TAF3: variants seen among roughly 807,000 people sequenced by gnomAD.
The protein encoded by TAF3 is TATA-box binding protein associated factor 3.
Under a neutral mutation model 80.6 loss-of-function variants are expected in TAF3, and 7 were observed. The ratio of observed to expected loss-of-function variants is 0.09; its 90% CI spans 0.05 to 0.16. The LOEUF (loss-of-function observed/expected upper bound fraction) is 0.16. Among genes scored for constraint, TAF3 ranks in the 10% least tolerant of loss-of-function variants. The pLI, the probability that TAF3 is intolerant of heterozygous loss-of-function variation, is 1.00. For missense variants in TAF3, 921 were observed against 1,140.2 expected (o/e 0.81, Z 2.77); for synonymous variants, 444 against 446.1 (o/e 1.00, Z 0.06).
intron 2 of TAF3, among the ~76,000 whole-genome samples, chr10:7,936,913 A>G (rs559611559): frequency 1.3e-5 from 2 of 152,030 alleles, no homozygotes; most frequent in South Asian, 4.2e-4. Flanking sequence ...TACCTTTCCC[A>G]GAATGCCATA....
intron 2 of TAF3, among the ~76,000 whole-genome samples, chr10:7,892,371 G>A (rs1380609794): frequency 6.6e-6 from 1 of 152,154 alleles, no homozygotes; most frequent in Non-Finnish European, 1.5e-5. Context: ...CTTTCTTCAA[G>A]TACAGATTTC....
intron 1 of TAF3, among the ~76,000 whole-genome samples, chr10:7,821,138 C>G (rs1396231414): frequency 6.6e-6 from 1 of 152,154 alleles, no homozygotes; most frequent in Non-Finnish European, 1.5e-5. Context: ...AACCTTGTTC[C>G]TAATTACCAA....
intron 4 of TAF3, among the ~76,000 whole-genome samples, chr10:8,007,160 A>G (rs963244243): frequency 6.6e-6 from 1 of 152,202 alleles, no homozygotes; most frequent in African/African-American, 2.4e-5. Flanking sequence ...AGGATGATGG[A>G]CAAAAACCTT....
intron 2 of TAF3, among the ~76,000 whole-genome samples, chr10:7,883,807 G>A (rs1379594985): frequency 6.6e-6 from 1 of 152,126 alleles, no homozygotes; most frequent in Non-Finnish European, 1.5e-5. Context: ...TAGAATACCT[G>A]GGTAATTTAT....
At chr10:7,942,803 T>A (rs542149002) in intron 2 of TAF3, among the ~76,000 whole-genome samples, 57 of 152,130 alleles carry the variant, frequency 3.7e-4, no homozygotes, top group South Asian at 3.5e-3. Flanking sequence ...GTTAAAAAAA[T>A]TTTTTTTTGT....
rs1416890544 is a variant in TAF3, at chr10:8,009,983, C to T, written c.2568+653C>T. Among the ~76,000 whole-genome samples the T allele has an allele frequency of 6.6e-6, 1 of 151,866 alleles. No homozygotes were observed. On this transcript the variant is annotated intron_variant, in intron 5 of 6. Transcript: ENST00000344293. The surrounding 1 kb of genome is among the most constrained non-coding windows in gnomAD (Gnocchi z 4.1). ...CTGGAGTGCAGTGGTACGATCTCGG[C>T]TCACTGCAGCCCCTGCCTCCCAGGC... is the stretch of plus-strand genomic sequence containing the variant.
chr10:7,926,747 AGCCCAT>A (rs1296467748), intron 2 of TAF3, among the ~76,000 whole-genome samples: 2 of 152,176 alleles, frequency 1.3e-5, no homozygotes, highest in East Asian at 3.8e-4. Flanking sequence ...TCTGAATTTG[AGCCCAT>A]TATATCTAAA....
chr10:7,857,724 C>G (rs1428241780), intron 2 of TAF3, among the ~76,000 whole-genome samples: 1 of 152,008 alleles, frequency 6.6e-6, no homozygotes, highest in Admixed American at 6.6e-5. Flanking sequence ...AAGCTCTTAG[C>G]TTTCTGTCAG....
At chr10:7,984,254 A>C (rs747505333) in intron 4 of TAF3, among the ~76,000 whole-genome samples, 29 of 152,236 alleles carry the variant, frequency 1.9e-4, no homozygotes, top group Middle Eastern at 6.3e-3. Flanking sequence ...AATACTGTTT[A>C]TTCATTAACA....
rs35219363 is a variant in TAF3, at chr10:7,944,093, TTGTGTGTGTGTGTGTG to T, written c.410-19799_410-19784del. Among the ~76,000 whole-genome samples the T allele has an allele frequency of 1.2e-3, 159 of 137,172 alleles. 2 individuals carry two copies. The East Asian group carries it at 0.023, about 20-fold the overall frequency. 90.0% of individuals were successfully genotyped at this position (137,172 alleles called of 152,430 possible). A position where few individuals can be genotyped will look rare whatever the true frequency, so the allele number is the denominator to read the frequency against. On this transcript the variant is annotated intron_variant, in intron 2 of 6. Transcript: ENST00000344293. Reference sequence around the variant, plus strand: ...CACTGATTTTTTAAAATGTTCATGCTTGTGTGTGTGTGTGTGTGTGTGTGTGTGTGTGTGTGTGTGT... The same window carrying T: ...CACTGATTTTTTAAAATGTTCATGCTTGTGTGTGTGTGTGTGTGTGTGTGT...
At chr10:7,930,525 G>T (rs933780444) in intron 2 of TAF3, among the ~76,000 whole-genome samples, 1 of 152,184 alleles carries the variant, frequency 6.6e-6, no homozygotes, top group Middle Eastern at 3.2e-3. Flanking sequence ...TATAAGGAGT[G>T]CATTAAACTA....
At chr10:7,896,427 A>G (rs1380845610) in intron 2 of TAF3, among the ~76,000 whole-genome samples, 4 of 152,152 alleles carry the variant, frequency 2.6e-5, no homozygotes, top group East Asian at 3.9e-4. Flanking sequence ...AGGCTTTTCA[A>G]CTTTGTCTTT....
chr10:8,010,206 C>CA (rs1832041088), intron 5 of TAF3, among the ~76,000 whole-genome samples: 1 of 152,326 alleles, frequency 6.6e-6, no homozygotes, highest in South Asian at 2.1e-4. Context: ...CATGCCCAGC[C>CA]AAGATGCATT....
intron 2 of TAF3, among the ~76,000 whole-genome samples, chr10:7,950,736 C>T (rs1457589920): frequency 2.0e-5 from 3 of 152,194 alleles, no homozygotes; most frequent in Admixed American, 6.5e-5. Context: ...CAGCTGAGGT[C>T]GAGCAAGGCA....
At chr10:7,971,152 A>G (rs1455032681) in intron 3 of TAF3, among the ~76,000 whole-genome samples, 2 of 152,258 alleles carry the variant, frequency 1.3e-5, no homozygotes, top group Non-Finnish European at 1.5e-5. Context: ...AGCTGTCTAC[A>G]TGGGGTGGCA....
At chr10:7,834,619 T>C (rs1836833550) in intron 2 of TAF3, among the ~76,000 whole-genome samples, 1 of 152,212 alleles carries the variant, frequency 6.6e-6, no homozygotes, top group Admixed American at 6.5e-5. Context: ...TTCCAATTCA[T>C]ATTTAGGACT....
chr10:7,852,600 A>G (rs957787439), intron 2 of TAF3, among the ~76,000 whole-genome samples: 3 of 152,196 alleles, frequency 2.0e-5, no homozygotes, highest in African/African-American at 7.2e-5. Flanking sequence ...GTCATGTTCA[A>G]TTGTTTTGGC....
chr10:7,862,625 T>G (rs1159533996), intron 2 of TAF3, among the ~76,000 whole-genome samples: 1 of 152,246 alleles, frequency 6.6e-6, no homozygotes, highest in African/African-American at 2.4e-5. Flanking sequence ...ATTATGAAGA[T>G]ATCCATCACC....
At chr10:7,983,989 TTTAA>T (rs1831753234) in intron 4 of TAF3, among the ~76,000 whole-genome samples, 1 of 152,238 alleles carries the variant, frequency 6.6e-6, no homozygotes, top group African/African-American at 2.4e-5. Context: ...ATGACCTATT[TTTAA>T]TGCTAGGGAA....
Sources: gnomAD v4.1 joint callset for allele counts (sites outside exome capture counted in the v4.1 genomes callset) on GRCh38, gnomAD v4.1.1 for gene constraint, Gnocchi (gnomAD v3.1) non-coding constraint, MANE v1.5 for transcripts, NCBI Gene and HGNC (gene_info 2026-07-23, HGNC 2026-07-21) for gene names.